The following FBXL17 variants were observed in gnomAD, a reference collection of about 807,000 sequenced individuals.
The protein encoded by FBXL17 is F-box/LRR-repeat protein 17.
In FBXL17, 22 loss-of-function variants were observed where a neutral mutation model predicts 66.2. The observed-to-expected ratio is 0.33, with a 90% CI of 0.24 to 0.47. FBXL17 has a LOEUF of 0.47. FBXL17 is among the 20% of genes least tolerant of loss of function. FBXL17 has a pLI of 1.00. For synonymous variants in FBXL17, 474 were observed against 400.5 expected (o/e 1.18, Z -2.19); for missense variants, 878 against 948.2 (o/e 0.93, Z 0.97).
intron 4 of FBXL17, among the ~76,000 whole-genome samples, chr5:108,320,480 A>G (rs1000322061): frequency 6.6e-6 from 1 of 151,780 alleles, no homozygotes; most frequent in African/African-American, 2.4e-5. Context: ...TCTTCTGTCT[A>G]GAAAAGAGAA....
At chr5:108,321,953 A>G (rs866975257) in intron 4 of FBXL17, among the ~76,000 whole-genome samples, 22 of 152,104 alleles carry the variant, frequency 1.4e-4, no homozygotes, top group Middle Eastern at 3.4e-3. Flanking sequence ...TACCATTCCC[A>G]AACAGATTCA....
intron 5 of FBXL17, among the ~76,000 whole-genome samples, chr5:108,216,987 G>T (rs796607124): frequency 1.3e-5 from 2 of 152,136 alleles, no homozygotes; most frequent in Non-Finnish European, 2.9e-5. Flanking sequence ...TTGTGGGCAT[G>T]GGCACAGTGG....
intron 6 of FBXL17, among the ~76,000 whole-genome samples, chr5:108,164,933 C>T (rs1752357926): frequency 6.6e-6 from 1 of 152,170 alleles, no homozygotes; most frequent in African/African-American, 2.4e-5. Context: ...AGTTATTAAA[C>T]CTTAAAGCCA....
At chr5:108,276,224 GTTTAT>G (rs1757476218) in intron 4 of FBXL17, among the ~76,000 whole-genome samples, 1 of 152,168 alleles carries the variant, frequency 6.6e-6, no homozygotes, top group South Asian at 2.1e-4. Flanking sequence ...TGACATAGCA[GTTTAT>G]TTTAAATCCT....
intron 4 of FBXL17, among the ~76,000 whole-genome samples, chr5:108,291,933 T>C (rs1456683726): frequency 2.0e-5 from 3 of 152,094 alleles, no homozygotes; most frequent in Non-Finnish European, 4.4e-5. Flanking sequence ...CTGCCCTCAG[T>C]TCAGGTGGTC....
At chr5:108,085,553 C>T (rs548411105) in intron 6 of FBXL17, among the ~76,000 whole-genome samples, 1 of 152,318 alleles carries the variant, frequency 6.6e-6, no homozygotes, top group African/African-American at 2.4e-5. Context: ...AGCTTATCTC[C>T]GGACTGTGCC....
intron 6 of FBXL17, among the ~76,000 whole-genome samples, chr5:108,091,469 C>A (rs757588580): frequency 1.3e-5 from 2 of 152,180 alleles, no homozygotes; most frequent in Non-Finnish European, 2.9e-5. Context: ...GGGAGCTCTG[C>A]TTTTACTTTT....
intron 6 of FBXL17, among the ~76,000 whole-genome samples, chr5:108,117,669 T>C (rs2161190): frequency 0.31 from 47,183 of 151,966 alleles, 8,268 homozygotes; most frequent in Admixed American, 0.4. Flanking sequence ...GTTGAGGTAT[T>C]AATAGGTAGT....
chr5:108,148,172 A>C (rs937753551), intron 6 of FBXL17, among the ~76,000 whole-genome samples: 4 of 152,216 alleles, frequency 2.6e-5, no homozygotes, highest in East Asian at 3.8e-4. Context: ...GAAAAGAAGT[A>C]AGTCTGACAA....
Position 108,380,780 on chromosome 5 carries a change from G to T in FBXL17, c.912C>A (p.Pro304=). The part of the protein sequence containing the change: ...ECGDADCRES[P]ENPCDCHREP... ...CCCTGTGACAGTCGCAGGGGTTTTC[G>T]GGGGACTCCCGACAGTCCGCGTCGC... The change falls in exon 1 of 9, where the codon CCC becomes CCA. Residue 304 remains proline (P), a synonymous_variant. Transcript: ENST00000542267. The T allele has an allele frequency of 8.0e-7, 1 of 1,248,386 alleles. No individual in the cohort carries two copies. Among genetic ancestry groups the T allele is most frequent in the East Asian group, 3.2e-5 (1 of 31,666 alleles). The allele number at this position is 1,248,386 out of a possible 1,614,324, so 77.3% of individuals were successfully genotyped here. A position where few individuals can be genotyped will look rare whatever the true frequency, so the allele number is the denominator to read the frequency against.
At chr5:107,948,508 C>T (rs142250354) in intron 7 of FBXL17, among the ~76,000 whole-genome samples, 1 of 152,142 alleles carries the variant, frequency 6.6e-6, no homozygotes, top group Non-Finnish European at 1.5e-5. Context: ...CTTGCTTATA[C>T]TTTTTAATAG....
intron 6 of FBXL17, among the ~76,000 whole-genome samples, chr5:108,068,516 C>T (rs1045147927): frequency 2.0e-5 from 3 of 151,568 alleles, no homozygotes; most frequent in Non-Finnish European, 2.9e-5. Context: ...AGTGCAGTGG[C>T]GCAATCTCGG....
chr5:108,193,134 G>A (rs962198879), intron 5 of FBXL17, among the ~76,000 whole-genome samples: 1 of 152,196 alleles, frequency 6.6e-6, no homozygotes, highest in African/African-American at 2.4e-5. Context: ...AGGTTTCTAA[G>A]TAATTGTAAT....
chr5:108,026,338 GATT>G (rs1327210733), intron 6 of FBXL17, among the ~76,000 whole-genome samples: 1 of 151,886 alleles, frequency 6.6e-6, no homozygotes, highest in Non-Finnish European at 1.5e-5. Flanking sequence ...ACAAATATAA[GATT>G]ATTTCTGGAA....
intron 5 of FBXL17, among the ~76,000 whole-genome samples, chr5:108,214,133 T>C (rs1202222200): frequency 1.3e-5 from 2 of 152,286 alleles, no homozygotes; most frequent in South Asian, 2.1e-4. Flanking sequence ...TTATTAGTTA[T>C]TGTTATTAAT....
chr5:107,879,618 C>A, intron 8 of FBXL17: 1 of 985,440 alleles, frequency 1.0e-6, no homozygotes, highest in Non-Finnish European at 1.2e-6. Context: ...CAAAAAATCA[C>A]AAAGGACACA....
chr5:108,340,381 T>C (rs1452185340), intron 4 of FBXL17, among the ~76,000 whole-genome samples: 1 of 149,068 alleles, frequency 6.7e-6, no homozygotes, highest in African/African-American at 2.5e-5. Flanking sequence ...TGAGACCCTG[T>C]CTCTACTTTA....
intron 6 of FBXL17, among the ~76,000 whole-genome samples, chr5:108,067,540 C>A (rs898528241): frequency 6.6e-6 from 1 of 152,094 alleles, no homozygotes; most frequent in Non-Finnish European, 1.5e-5. Flanking sequence ...CTAGATTGTG[C>A]GGGCTATTTC....
intron 7 of FBXL17, among the ~76,000 whole-genome samples, chr5:108,011,100 G>C (rs573657079): frequency 6.6e-6 from 1 of 152,276 alleles, no homozygotes; most frequent in South Asian, 2.1e-4. Flanking sequence ...AATTTATATT[G>C]TGTTTTGAGT....
Sources: allele counts gnomAD v4.1 joint callset (sites outside exome capture counted in the v4.1 genomes callset), GRCh38; gene constraint gnomAD v4.1.1; transcripts MANE v1.5; gene names NCBI Gene and HGNC (gene_info 2026-07-23, HGNC 2026-07-21).